The following PDE1C variants were observed in gnomAD, a reference collection of about 807,000 sequenced individuals.
The protein encoded by PDE1C is phosphodiesterase 1C.
A neutral mutation model predicts 93.1 loss-of-function variants in PDE1C; 62 were observed. That is an observed-to-expected ratio of 0.67 (90% CI 0.54 to 0.82). PDE1C has a LOEUF of 0.82. PDE1C is among the 40% of genes least tolerant of loss of function. PDE1C has a pLI of 0.00. For synonymous variants in PDE1C, 325 were observed against 310.1 expected (o/e 1.05, Z -0.50); for missense variants, 742 against 884.6 (o/e 0.84, Z 2.04).
Position 32,373,514 on chromosome 7 carries a change from C to T in PDE1C, c.310+54308G>A, listed in dbSNP as rs368731594. ...GTGACTGCTAATGGATATGGGATTTCTTTCTATCATGACAAAATGTTCTAA... is the reference window on the plus strand; with the variant it reads ...GTGACTGCTAATGGATATGGGATTTTTTTCTATCATGACAAAATGTTCTAA... On this transcript the variant is annotated intron_variant, in intron 1 of 1. Coordinates refer to the PDE1C transcript ENST00000672256. Among the ~76,000 whole-genome samples, 8 of 152,298 alleles carry T rather than the reference C, an allele frequency of 5.3e-5. No homozygotes were observed. In the South Asian group the frequency reaches 1.5e-3, roughly 28 times the overall value.
At chr7:31,665,899 G>T in the PDE1C span, among the ~76,000 whole-genome samples, 1 of 152,180 alleles carries the variant, frequency 6.6e-6, no homozygotes, top group Non-Finnish European at 1.5e-5. Context: ...TTACCTCTGT[G>T]CAGGACTCAG....
At chr7:31,734,555 A>G in the PDE1C span, among the ~76,000 whole-genome samples, 2 of 152,204 alleles carry the variant, frequency 1.3e-5, no homozygotes, top group Non-Finnish European at 2.9e-5. Context: ...CATGTGAACT[A>G]GTATTTCCAA....
upstream of PDE1C, chr7:32,071,505 C>A: frequency 1.3e-6 from 1 of 752,452 alleles, no homozygotes; most frequent in South Asian, 5.9e-5. Context: ...CACCCCCCCA[C>A]CCCCATCTCT....
At chr7:31,618,323 AG>A in the PDE1C span, among the ~76,000 whole-genome samples, 1 of 149,690 alleles carries the variant, frequency 6.7e-6, no homozygotes, top group African/African-American at 2.5e-5. Flanking sequence ...GAAAATCCAA[AG>A]GGGGCAAATT....
At chr7:31,669,960 C>T in the PDE1C span, among the ~76,000 whole-genome samples, 1 of 152,150 alleles carries the variant, frequency 6.6e-6, no homozygotes, top group Non-Finnish European at 1.5e-5. Flanking sequence ...TGTGTTCAAC[C>T]TTGGAATGTC....
chr7:31,839,689 T>A (rs549922493), intron 9 of PDE1C, among the ~76,000 whole-genome samples: 1 of 152,346 alleles, frequency 6.6e-6, no homozygotes, highest in East Asian at 1.9e-4. Flanking sequence ...TTCATTTATC[T>A]GGGGTGAATA....
chr7:31,645,846 T>G, the PDE1C span, among the ~76,000 whole-genome samples: 1 of 152,000 alleles, frequency 6.6e-6, no homozygotes. Context: ...ACCACAACAA[T>G]GAATTCTTTG....
At chr7:32,039,333 G>A (rs1322538431) in intron 2 of PDE1C, among the ~76,000 whole-genome samples, 1 of 152,126 alleles carries the variant, frequency 6.6e-6, no homozygotes, top group Non-Finnish European at 1.5e-5. Context: ...TTATGAATTT[G>A]GTATGACAGC....
At position 31,790,971 on chromosome 7, in the gene PDE1C, T is replaced by C. The variant is rs575401386; in HGVS notation, c.1892-15239A>G. ...ATTATTTCTTCCAATTGGTGTTGCATGCTCTGCAAGTCATCATGCCTTATA... is the reference window on the plus strand; with the variant it reads ...ATTATTTCTTCCAATTGGTGTTGCACGCTCTGCAAGTCATCATGCCTTATA... On this transcript the variant is annotated intron_variant, in intron 16 of 17. Coordinates refer to ENST00000396191, the MANE Select transcript of PDE1C (RefSeq NM_001191057.4). Among the ~76,000 whole-genome samples the C allele has an allele frequency of 3.5e-4, 54 of 152,276 alleles. 1 individual carries two copies. The highest frequency in any genetic ancestry group is 1.3e-3 in the African/African-American group (54 of 41,570).
At chr7:31,637,513 CTT>C in the PDE1C span, among the ~76,000 whole-genome samples, 2 of 152,208 alleles carry the variant, frequency 1.3e-5, no homozygotes, top group East Asian at 3.9e-4. Flanking sequence ...TTTCATGTGT[CTT>C]TTGGCTGCAT....
intron 16 of PDE1C, among the ~76,000 whole-genome samples, chr7:31,800,768 A>G (rs958206233): frequency 6.6e-6 from 1 of 150,946 alleles, no homozygotes; most frequent in African/African-American, 2.4e-5. Flanking sequence ...AATTTCTACC[A>G]AAAAAAAGCA....
chr7:31,692,603 C>T, the PDE1C span: 1 of 1,364,078 alleles, frequency 7.3e-7, no homozygotes, highest in Admixed American at 1.7e-5. Flanking sequence ...GCAGGCAAGT[C>T]AGAGAGAGGG....
At chr7:31,692,819 T>C in the PDE1C span, among the ~76,000 whole-genome samples, 2 of 152,236 alleles carry the variant, frequency 1.3e-5, no homozygotes, top group African/African-American at 2.4e-5. Context: ...CAGAGCATTT[T>C]TGAGGCAATA....
chr7:32,205,284 T>C (rs1483966457), intron 2 of PDE1C, among the ~76,000 whole-genome samples: 1 of 152,230 alleles, frequency 6.6e-6, no homozygotes, highest in Non-Finnish European at 1.5e-5. Flanking sequence ...TATTTTAACA[T>C]TCACCCTTGC....
At chr7:31,642,194 C>T in the PDE1C span, 16 of 1,560,808 alleles carry the variant, frequency 1.0e-5, no homozygotes, top group Non-Finnish European at 1.2e-5. Context: ...GTGGACAGAG[C>T]AAATAGCTGC....
chr7:32,118,426 T>C (rs867436355), intron 3 of PDE1C, among the ~76,000 whole-genome samples: 4 of 152,206 alleles, frequency 2.6e-5, no homozygotes, highest in African/African-American at 9.6e-5. Flanking sequence ...TAACCGTAGC[T>C]AGTGAGGCTT....
At chr7:32,226,598 C>T (rs905039832) in intron 1 of PDE1C, among the ~76,000 whole-genome samples, 10 of 152,160 alleles carry the variant, frequency 6.6e-5, no homozygotes, top group African/African-American at 2.4e-4. Flanking sequence ...CAGAGACCCA[C>T]GTGTAGTGGG....
chr7:32,393,491 A>T (rs1345425063), intron 1 of PDE1C, among the ~76,000 whole-genome samples: 1 of 152,136 alleles, frequency 6.6e-6, no homozygotes, highest in Admixed American at 6.5e-5. Context: ...TCATTTAATT[A>T]TTTTTATATT....
chr7:31,952,574 G>A (rs1359918570), intron 2 of PDE1C, among the ~76,000 whole-genome samples: 2 of 152,078 alleles, frequency 1.3e-5, no homozygotes, highest in Non-Finnish European at 2.9e-5. Context: ...TTAGCAAAAC[G>A]TTACTCTATG....
Sources: gnomAD v4.1 joint callset for allele counts (sites outside exome capture counted in the v4.1 genomes callset) on GRCh38, gnomAD v4.1.1 for gene constraint, MANE v1.5 for transcripts, NCBI Gene and HGNC (gene_info 2026-07-23, HGNC 2026-07-21) for gene names.